Variants in MYOM3 observed in about 807,000 individuals in gnomAD.
MYOM3 encodes myomesin 3.
MYOM3 carries 155 observed loss-of-function variants against 191.7 expected under a neutral mutation model. The ratio of observed to expected loss-of-function variants is 0.81; its 90% CI spans 0.71 to 0.92. MYOM3 has a LOEUF of 0.92. Ranked by LOEUF, MYOM3 falls within the 40% of genes least tolerant of loss-of-function variation. The probability of loss-of-function intolerance (pLI) is 0.00; values close to 1 mark genes in which losing one functional copy is unlikely to be tolerated. For missense variants in MYOM3, 1,889 were observed against 1,890.6 expected (o/e 1.00, Z 0.02); for synonymous variants, 757 against 762.9 (o/e 0.99, Z 0.13).
chr1:24,076,196 G>A lies in MYOM3; in HGVS notation c.2664C>T (p.Ser888=), dbSNP rs1292615752. 6.2e-7 allele frequency: 1 copy of A among 1,614,052 alleles called. No individual in the cohort carries two copies. Among genetic ancestry groups the A allele is most frequent in the African/African-American group, 1.3e-5 (1 of 74,932 alleles). Residue 888 remains serine, a synonymous_variant, in exon 21 of 37, where the codon TCC becomes TCT. Transcript: ENST00000374434. ...AMNSAGLGQP[S]MPTDPVLLED... is the part of the protein sequence containing the mutation. ...CCAGGAGCACGGGATCAGTGGGCAT[G>A]GACGGTTGCCCCAGACCAGCTGAAT...
rs776915710 is a variant in MYOM3 at position 24,057,421 on chromosome 1, C to G, written c.4257G>C (p.Gln1419His). 17 of 1,614,184 alleles carry G rather than the reference C, an allele frequency of 1.1e-5. No homozygotes were observed. The highest frequency in any genetic ancestry group is 1.7e-5 in the Admixed American group (1 of 60,032). Residue 1419 changes from glutamine (Q) to histidine (H), a missense_variant, in exon 37 of 37, where the codon CAG becomes CAC. Coordinates refer to ENST00000374434, the MANE Select transcript of MYOM3 (RefSeq NM_152372.4). ...VKNKYGSETG[Q>H]VTISVFKHGD... ...CGTGCTTGAACACACTGATGGTGAC[C>G]TGGCCCGTCTCGGAGCCATACTTGT...
chr1:24,068,179 A>AG, intron 26 of MYOM3, 44 bp downstream of exon 26: 1 of 976,754 alleles, frequency 1.0e-6, no homozygotes. Context: ...TGTGCGGGGC[A>AG]GGGCGGGGCA....
rs750271467 is a variant in MYOM3, at chr1:24,075,341, T to A, written c.2836A>T (p.Lys946Ter). The change falls in exon 22 of 37, where the codon AAG becomes TAG. Residue 946 changes from lysine (K) to a stop codon, truncating the protein, a stop_gained. Coordinates refer to ENST00000374434, the MANE Select transcript of MYOM3 (RefSeq NM_152372.4). LOFTEE classifies it high-confidence loss of function. ...YKGPLDPQRV[K>*]IEDKVNKSKV... The stretch of plus-strand genomic sequence containing the variant: ...TACTTGTTAACTTTATCCTCGATCT[T>A]GACCCTCTGGGGGTCCAGTGGGCCC... 6.2e-7 allele frequency: 1 copy of A among 1,612,728 alleles called. No individual in the cohort carries two copies. Among genetic ancestry groups the A allele is most frequent in the Non-Finnish European group, 8.5e-7 (1 of 1,179,952 alleles).
intron 7 of MYOM3, among the ~76,000 whole-genome samples, chr1:24,097,160 G>C (rs1477887739): frequency 1.3e-5 from 2 of 152,218 alleles, no homozygotes; most frequent in African/African-American, 2.4e-5. Flanking sequence ...CCCACATGGG[G>C]CAGTGGGGGT....
At chr1:24,068,062 C>T (rs754980972) in intron 26 of MYOM3, 33 bp from the exon 27 acceptor site, 55 of 1,612,594 alleles carry the variant, frequency 3.4e-5, no homozygotes, top group African/African-American at 9.4e-5. Flanking sequence ...TGGCATGAGC[C>T]GAGAGGAGTG....
chr1:24,070,959 T>C (rs978096229), intron 25 of MYOM3, among the ~76,000 whole-genome samples, 158 bp downstream of exon 25: 1 of 151,246 alleles, frequency 6.6e-6, no homozygotes, highest in Non-Finnish European at 1.5e-5. Flanking sequence ...AAGAGCCAAA[T>C]GTTCCCATCC....
intron 11 of MYOM3, among the ~76,000 whole-genome samples, chr1:24,091,253 C>T (rs944096994): frequency 2.0e-5 from 3 of 152,230 alleles, no homozygotes; most frequent in African/African-American, 7.2e-5. Context: ...GTGCCCTCCA[C>T]ACCCAGCCCT....
chr1:24,076,029 G>T lies in MYOM3; in HGVS notation c.2701+130C>A, dbSNP rs1474595457. 19 of 665,366 alleles carry T rather than the reference G, an allele frequency of 2.9e-5. No homozygotes were observed. In the South Asian group the frequency reaches 3.2e-4, roughly 11 times the overall value. 41.2% of individuals were successfully genotyped at this position (665,366 alleles called of 1,614,324 possible). A position where few individuals can be genotyped will look rare whatever the true frequency, so the allele number is the denominator to read the frequency against. On this transcript the variant is annotated intron_variant, in intron 21 of 36. Transcript: ENST00000374434. Reference sequence around the variant, plus strand: ...TGGGATGATGACCCCTCCCTCAGGGGCTTGCTGGAGGGCCAGAGAAGTGTG... The same window carrying T: ...TGGGATGATGACCCCTCCCTCAGGGTCTTGCTGGAGGGCCAGAGAAGTGTG...
chr1:24,064,313 T>C, intron 29 of MYOM3, 154 bp from the exon 30 acceptor site: 1 of 592,548 alleles, frequency 1.7e-6, no homozygotes, highest in Non-Finnish European at 3.0e-6. Flanking sequence ...TTTACTCATC[T>C]GGGCTGGGTG....
At position 24,082,185 on chromosome 1, in the gene MYOM3, G is replaced by A; in HGVS notation, c.2096C>T (p.Thr699Ile). 6.2e-7 allele frequency: 1 copy of A among 1,606,110 alleles called. No homozygotes were observed. The highest frequency in any genetic ancestry group is 8.5e-7 in the Non-Finnish European group (1 of 1,176,052). Residue 699 changes from threonine to isoleucine, a missense_variant, in exon 18 of 37, where the codon ACC becomes ATC. Transcript: ENST00000374434. ...EPIRVKQALATPSAPYGFALL... is the reference protein window; with the variant it reads ...EPIRVKQALAIPSAPYGFALL... ...GGCAAAGCCATATGGGGCAGACGGG[G>A]TAGCTACAGGGAGGTAAGGAGGTGA...
At chr1:24,088,715 G>C (rs1021523967) in intron 14 of MYOM3, among the ~76,000 whole-genome samples, 4 of 152,216 alleles carry the variant, frequency 2.6e-5, no homozygotes, top group Admixed American at 2.6e-4. Context: ...TGTCCACCTA[G>C]TTTGTGCCAG....
At chr1:24,076,524 T>C (rs567313166) in intron 20 of MYOM3, among the ~76,000 whole-genome samples, 1,585 of 55,924 alleles carry the variant, frequency 0.028, 14 homozygotes, top group Non-Finnish European at 0.035. Flanking sequence ...TTTTTTTTTT[T>C]TTTTTTTGAG....
At chr1:24,104,560 C>T (rs1271575178) in intron 5 of MYOM3, among the ~76,000 whole-genome samples, 1 of 152,146 alleles carries the variant, frequency 6.6e-6, no homozygotes, top group Non-Finnish European at 1.5e-5. Flanking sequence ...ACTGCAACCT[C>T]CGCCTCCCGG....
chr1:24,110,584 G>A (rs1207040649), intron 1 of MYOM3, among the ~76,000 whole-genome samples: 2 of 152,028 alleles, frequency 1.3e-5, no homozygotes, highest in South Asian at 2.1e-4. Context: ...CTTCCTAGAA[G>A]TTTGCTCCTT....
intron 13 of MYOM3, 40 bp downstream of exon 13, chr1:24,090,025 A>G (rs754072461): frequency 3.8e-6 from 6 of 1,597,102 alleles, no homozygotes; most frequent in Non-Finnish European, 5.2e-6. Context: ...AGTTTTGAGA[A>G]CTATACAGGA....
intron 24 of MYOM3, 97 bp downstream of exon 24, chr1:24,071,872 T>G: frequency 7.9e-7 from 1 of 1,264,064 alleles, no homozygotes; most frequent in South Asian, 1.2e-5. Context: ...CCTCTGGGGT[T>G]GTTTCCTGGT....
chr1:24,097,944 A>G lies in MYOM3; in HGVS notation c.724T>C (p.Phe242Leu), dbSNP rs374504371. 3.8e-5 allele frequency: 62 copies of G among 1,613,652 alleles called. No individual in the cohort carries two copies. The highest frequency in any genetic ancestry group is 5.1e-5 in the Non-Finnish European group (60 of 1,179,640). The change falls in exon 7 of 37, where the codon TTC (phenylalanine) becomes CTC (leucine). Residue 242 changes from phenylalanine to leucine, a missense_variant. By Grantham distance (22) the Phe-to-Leu change is conservative (BLOSUM62 0). Transcript: ENST00000374434. ...TTACTGCGGACGAGGACTTTGGCGA[A>G]GGAGGAGGCCTGGCCGTGGGCGTTC... ...VKNAHGQASS[F>L]AKVLVRTYLG...
intron 28 of MYOM3, 152 bp downstream of exon 28, chr1:24,066,869 G>A (rs950624966): frequency 3.0e-6 from 2 of 665,818 alleles, no homozygotes; most frequent in African/African-American, 1.9e-5. Flanking sequence ...GGTTACGTGT[G>A]GTCTCCTCGG....
At position 24,084,647 on chromosome 1, in the gene MYOM3, A is replaced by G; in HGVS notation, c.1799-8T>C. 6.2e-7 allele frequency: 1 copy of G among 1,607,368 alleles called. No individual in the cohort carries two copies. Among genetic ancestry groups the G allele is most frequent in the Admixed American group, 1.7e-5 (1 of 59,352 alleles). On this transcript the variant is annotated splice_region_variant and splice_polypyrimidine_tract_variant and intron_variant, in intron 15 of 36. Coordinates refer to ENST00000374434, the MANE Select transcript of MYOM3 (RefSeq NM_152372.4). ...CTGGAGGAGGGAGGGTAGCTAAAAAATAGAAACATGGGCTGAATGAGAAGG... is the reference window on the plus strand; with the variant it reads ...CTGGAGGAGGGAGGGTAGCTAAAAAGTAGAAACATGGGCTGAATGAGAAGG...
Sources: allele counts gnomAD v4.1 joint callset (sites outside exome capture counted in the v4.1 genomes callset), GRCh38; gene constraint gnomAD v4.1.1; transcripts MANE v1.5; gene names NCBI Gene and HGNC (gene_info 2026-07-23, HGNC 2026-07-21).